The following PCDHGA5 variants were observed in gnomAD, a reference collection of about 807,000 sequenced individuals.
PCDHGA5 encodes the protein protocadherin gamma subfamily A, 5.
A neutral mutation model predicts 56.7 loss-of-function variants in PCDHGA5; 36 were observed. The ratio of observed to expected loss-of-function variants is 0.64; its 90% CI spans 0.49 to 0.84. The LOEUF is 0.84. Ranked by LOEUF, PCDHGA5 falls within the 40% of genes least tolerant of loss-of-function variation. The pLI is 0.00. For missense variants in PCDHGA5, 1,305 were observed against 1,201.5 expected (o/e 1.09, Z -1.27); for synonymous variants, 563 against 520.2 (o/e 1.08, Z -1.12).
At position 141,477,806 on chromosome 5, in the gene PCDHGA5, G is replaced by GC; in HGVS notation, c.2422-16995dup. Reference sequence around the variant, plus strand: ...ATTTGTCACTGATCGCAATGACAATGCCCCCCAGGTCCTATATCCTCGGCC... The same window carrying GC: ...ATTTGTCACTGATCGCAATGACAATGCCCCCCCAGGTCCTATATCCTCGGCC... On this transcript the variant is annotated intron_variant, in intron 1 of 3. Transcript: ENST00000518069. This position sits in a 1 kb window ranked among gnomAD's most constrained non-coding sequence, Gnocchi z 4.9. 1 of 1,614,114 alleles carries GC rather than the reference G, an allele frequency of 6.2e-7. No homozygotes were observed.
At chr5:141,408,712 T>C in intron 1 of PCDHGA5, 2 of 1,612,332 alleles carry the variant, frequency 1.2e-6, no homozygotes, top group Non-Finnish European at 1.7e-6. Flanking sequence ...TTAAAGATTA[T>C]AAGATAAACT....
chr5:141,503,024 A>G (rs574653661), intron 2 of PCDHGA5, among the ~76,000 whole-genome samples: 2 of 150,210 alleles, frequency 1.3e-5, no homozygotes, highest in South Asian at 2.1e-4. Context: ...TTTTTTTTTA[A>G]TATCTATTTT....
intron 1 of PCDHGA5, chr5:141,419,325 A>G (rs1490162008): frequency 6.2e-7 from 1 of 1,613,586 alleles, no homozygotes; most frequent in Non-Finnish European, 8.5e-7. Flanking sequence ...CGTGTCTCCT[A>G]CTCTCTCATT....
At chr5:141,366,918 A>G in intron 1 of PCDHGA5, 167 bp downstream of exon 1, 1 of 1,091,754 alleles carries the variant, frequency 9.2e-7, no homozygotes, top group Non-Finnish European at 1.3e-6. Context: ...TTTGTTTTCA[A>G]ATTCTGTTTT....
At chr5:141,435,314 G>T (rs1490871069) in intron 1 of PCDHGA5, among the ~76,000 whole-genome samples, 6 of 152,006 alleles carry the variant, frequency 3.9e-5, no homozygotes, top group African/African-American at 9.7e-5. Flanking sequence ...AATCATTCAT[G>T]AACTTCCAAA....
chr5:141,433,328 G>A (rs965877578), intron 1 of PCDHGA5: 3 of 724,464 alleles, frequency 4.1e-6, no homozygotes, highest in African/African-American at 3.6e-5. Context: ...GGTGTAACAG[G>A]GACTACAGGT....
At position 141,431,435 on chromosome 5, in the gene PCDHGA5, G is replaced by A. The variant is rs376827063; in HGVS notation, c.2422-63372G>A. ...GGGCGACCCGGTGCGCACAGGCACC[G>A]CGCGCATCCGCGTGATGGTTCTGGA... On this transcript the variant is annotated intron_variant, in intron 1 of 3. Coordinates refer to ENST00000518069, the MANE Select transcript of PCDHGA5 (RefSeq NM_018918.3). The surrounding 1 kb of genome is among the most constrained non-coding windows in gnomAD (Gnocchi z 4.8). 2.5e-6 allele frequency: 4 copies of A among 1,613,550 alleles called. No homozygotes were observed. Among genetic ancestry groups the A allele is most frequent in the Non-Finnish European group, 3.4e-6 (4 of 1,180,034 alleles).
At chr5:141,499,686 T>C (rs1400567357) in intron 2 of PCDHGA5, among the ~76,000 whole-genome samples, 2 of 149,346 alleles carry the variant, frequency 1.3e-5, no homozygotes, top group East Asian at 2.0e-4. Context: ...CTTTAACAGA[T>C]GACTTTTTTT....
intron 1 of PCDHGA5, chr5:141,419,835 C>T: frequency 1.2e-6 from 2 of 1,614,084 alleles, no homozygotes; most frequent in African/African-American, 1.3e-5. Flanking sequence ...GCCACTGCCA[C>T]GCTGCACCTG....
chr5:141,492,632 C>G (rs1359761285), intron 1 of PCDHGA5, among the ~76,000 whole-genome samples: 1 of 152,256 alleles, frequency 6.6e-6, no homozygotes, highest in Non-Finnish European at 1.5e-5. Flanking sequence ...CAGGACTCTA[C>G]GATCCTTGGG....
At chr5:141,413,023 A>T in intron 1 of PCDHGA5, 1 of 729,646 alleles carries the variant, frequency 1.4e-6, no homozygotes, top group Non-Finnish European at 2.1e-6. Context: ...CACAAGCCCC[A>T]CAAACCGGCT....
At position 141,402,884 on chromosome 5, in the gene PCDHGA5, T is replaced by C. The variant is rs73792196; in HGVS notation, c.2421+36133T>C. Reference sequence around the variant, plus strand: ...GAAAAGATCACCATACTTTGCAGGGTGGAAGAAAGAACCTGATGAAGCAGC... The same window carrying C: ...GAAAAGATCACCATACTTTGCAGGGCGGAAGAAAGAACCTGATGAAGCAGC... On this transcript the variant is annotated intron_variant, in intron 1 of 3. Transcript: ENST00000518069. The C allele has an allele frequency of 1.4e-3, 2,074 of 1,481,580 alleles. 26 individuals carry two copies. The African/African-American group carries it at 0.026, about 18-fold the overall frequency. The allele number at this position is 1,481,580 out of a possible 1,614,324, so 91.8% of individuals were successfully genotyped here.
rs759576434 is a variant in PCDHGA5 at position 141,432,109 on chromosome 5, G to C, written c.2422-62698G>C. Reference sequence around the variant, plus strand: ...TGGCAGACACCAACGACAACCCGCCGGTCTTCCCTCAGGCCTCCTATTCCG... The same window carrying C: ...TGGCAGACACCAACGACAACCCGCCCGTCTTCCCTCAGGCCTCCTATTCCG... On this transcript the variant is annotated intron_variant, in intron 1 of 3. Transcript: ENST00000518069. The surrounding 1 kb of genome is among the most constrained non-coding windows in gnomAD (Gnocchi z 6.0). 9 of 1,613,972 alleles carry C rather than the reference G, an allele frequency of 5.6e-6. No homozygotes were observed. In the African/African-American group the frequency reaches 9.3e-5, roughly 17 times the overall value.
At chr5:141,380,260 G>A (rs1776331356) in intron 1 of PCDHGA5, among the ~76,000 whole-genome samples, 1 of 152,114 alleles carries the variant, frequency 6.6e-6, no homozygotes, top group South Asian at 2.1e-4. Context: ...AGGGGAAGGA[G>A]TAAAATCTCA....
At chr5:141,460,864 A>C (rs1220160866) in intron 1 of PCDHGA5, among the ~76,000 whole-genome samples, 1 of 151,800 alleles carries the variant, frequency 6.6e-6, no homozygotes, top group East Asian at 1.9e-4. Flanking sequence ...AAGTTGCTGC[A>C]AAGGACATTA....
rs181495329 is a variant in PCDHGA5, at chr5:141,489,120, G to A, written c.2422-5687G>A. ...AACTGCTGCAAGCAGGCAAACCTCC[G>A]AGCAGTTTTTAAGAGGCTGGAAGGA... is the stretch of plus-strand genomic sequence containing the variant. On this transcript the variant is annotated intron_variant, in intron 1 of 3. Coordinates refer to ENST00000518069, the MANE Select transcript of PCDHGA5 (RefSeq NM_018918.3). This position sits in a 1 kb window ranked among gnomAD's most constrained non-coding sequence, Gnocchi z 4.5. 1.8e-5 allele frequency: 8 copies of A among 445,672 alleles called. No homozygotes were observed. The East Asian group carries it at 1.9e-4, about 11-fold the overall frequency. The allele number at this position is 445,672 out of a possible 1,614,324, so 27.6% of individuals were successfully genotyped here.
At chr5:141,459,845 T>C (rs914128032) in intron 1 of PCDHGA5, among the ~76,000 whole-genome samples, 1 of 152,232 alleles carries the variant, frequency 6.6e-6, no homozygotes, top group Admixed American at 6.5e-5. Flanking sequence ...TCTATTTGTA[T>C]ATCTTCTTGA....
intron 1 of PCDHGA5, chr5:141,420,396 A>C: frequency 8.0e-7 from 1 of 1,250,930 alleles, no homozygotes; most frequent in Non-Finnish European, 1.1e-6. Context: ...ATATAGGTCA[A>C]ATTTATGGTT....
intron 1 of PCDHGA5, among the ~76,000 whole-genome samples, chr5:141,430,383 G>GA (rs139772145): frequency 0.061 from 8,436 of 138,452 alleles, 243 homozygotes; most frequent in South Asian, 0.089. Context: ...AGCTCATTGG[G>GA]AAAAAAAAAA....
Sources: allele counts gnomAD v4.1 joint callset (sites outside exome capture counted in the v4.1 genomes callset), GRCh38; gene constraint gnomAD v4.1.1; non-coding constraint Gnocchi (gnomAD v3.1); transcripts MANE v1.5; gene names NCBI Gene and HGNC (gene_info 2026-07-23, HGNC 2026-07-21).